Variants in HEBP2 observed in about 807,000 individuals in gnomAD.
HEBP2 encodes heme-binding protein 2.
A neutral mutation model predicts 23.1 loss-of-function variants in HEBP2; 27 were observed. The ratio of observed to expected loss-of-function variants is 1.17; its 90% CI spans 0.86 to 1.61. The LOEUF (loss-of-function observed/expected upper bound fraction) is 1.61. Ranked by LOEUF, HEBP2 falls within the 40% of genes most tolerant of loss-of-function variation. The probability of loss-of-function intolerance (pLI) is 0.00; values close to 1 mark genes in which losing one functional copy is unlikely to be tolerated. For missense variants in HEBP2, 245 were observed against 253.8 expected (o/e 0.97, Z 0.24); for synonymous variants, 99 against 95.1 (o/e 1.04, Z -0.24).
Position 138,419,217 on chromosome 6 carries a change from T to TA in HEBP2, c.*6140dup. On this transcript the variant is annotated 3_prime_UTR_variant, in exon 4 of 4. Transcript: ENST00000607197. Reference sequence around the variant, plus strand: ...GGGCTCCCACTTACCAAGGCCAACTTAGACACTGCTCACTGTGACTATCCA... The same window carrying TA: ...GGGCTCCCACTTACCAAGGCCAACTTAAGACACTGCTCACTGTGACTATCCA... 6.6e-6 allele frequency: 1 copy of TA among 152,300 alleles called. No homozygotes were observed. The highest frequency in any genetic ancestry group is 2.1e-4 in the South Asian group (1 of 4,812). 9.4% of individuals were successfully genotyped at this position (152,300 alleles called of 1,614,324 possible). A position where few individuals can be genotyped will look rare whatever the true frequency, so the allele number is the denominator to read the frequency against.
intron 3 of HEBP2, among the ~76,000 whole-genome samples, chr6:138,408,733 G>GCTC (rs3836980): frequency 0.18 from 27,290 of 151,928 alleles, 4,681 homozygotes; most frequent in African/African-American, 0.45. Context: ...ACCTCCGTTG[G>GCTC]CTCCTCAGCT....
At position 138,413,422 on chromosome 6, in the gene HEBP2, T is replaced by C. The variant is rs1465056592; in HGVS notation, c.*344T>C. On this transcript the variant is annotated 3_prime_UTR_variant, in exon 4 of 4. Coordinates refer to ENST00000607197, the MANE Select transcript of HEBP2 (RefSeq NM_014320.3). ...TCAGTTGGATGATATCCCCTCCAGA[T>C]AGTATCAATAAAATGTTAAAATTAT... 1 of 191,470 alleles carries C rather than the reference T, an allele frequency of 5.2e-6. No individual in the cohort carries two copies. The highest frequency in any genetic ancestry group is 1.1e-5 in the Non-Finnish European group (1 of 92,564). The allele number at this position is 191,470 out of a possible 1,614,324, so 11.9% of individuals were successfully genotyped here.
chr6:138,404,768 C>T (rs1208677606), intron 1 of HEBP2, among the ~76,000 whole-genome samples, 171 bp downstream of exon 1: 15 of 152,360 alleles, frequency 9.8e-5, no homozygotes, highest in Admixed American at 3.9e-4. Flanking sequence ...CTACCCTCCC[C>T]GCTACCCCCA....
chr6:138,408,538 C>T (rs1290749741), intron 3 of HEBP2, among the ~76,000 whole-genome samples: 1 of 152,080 alleles, frequency 6.6e-6, no homozygotes, highest in Non-Finnish European at 1.5e-5. Flanking sequence ...GGTATGACTC[C>T]CACTCTCTCC....
At chr6:138,404,901 A>G (rs1311859552) in intron 1 of HEBP2, among the ~76,000 whole-genome samples, 1 of 152,046 alleles carries the variant, frequency 6.6e-6, no homozygotes, top group African/African-American at 2.4e-5. Context: ...CTTGTCTGAA[A>G]GTGTGAATCG....
rs375885728 is a variant in HEBP2, at chr6:138,416,428, G to A, written c.*3350G>A. ...GACCCATCAGACAATTATGTTCCAC[G>A]GGAAGGCCCAGGGGACCCATCCTTC... On this transcript the variant is annotated 3_prime_UTR_variant, in exon 4 of 4. Coordinates refer to ENST00000607197, the MANE Select transcript of HEBP2 (RefSeq NM_014320.3). The A allele has an allele frequency of 6.6e-6, 1 of 152,348 alleles. No individual in the cohort carries two copies. Among genetic ancestry groups the A allele is most frequent in the Non-Finnish European group, 1.5e-5 (1 of 68,126 alleles). The allele number at this position is 152,348 out of a possible 1,614,324, so 9.4% of individuals were successfully genotyped here. A position where few individuals can be genotyped will look rare whatever the true frequency, so the allele number is the denominator to read the frequency against.
At chr6:138,412,576 C>T (rs1238563622) in intron 3 of HEBP2, among the ~76,000 whole-genome samples, 3 of 152,220 alleles carry the variant, frequency 2.0e-5, no homozygotes, top group African/African-American at 7.2e-5. Context: ...GCTTCAGCCT[C>T]CCAAGTAACT....
Position 138,404,476 on chromosome 6 carries a change from C to A in HEBP2, c.-20C>A. On this transcript the variant is annotated 5_prime_UTR_variant, in exon 1 of 4. Coordinates refer to ENST00000607197, the MANE Select transcript of HEBP2 (RefSeq NM_014320.3). Reference sequence around the variant, plus strand: ...GGCCTCTGCGCGGCTGACCAGGCTCCCAGAGCGTCAGCGCCGCCCATGGCC... The same window carrying A: ...GGCCTCTGCGCGGCTGACCAGGCTCACAGAGCGTCAGCGCCGCCCATGGCC... The A allele has an allele frequency of 7.9e-7, 1 of 1,263,376 alleles. No homozygotes were observed. Among genetic ancestry groups the A allele is most frequent in the Non-Finnish European group, 1.0e-6 (1 of 1,004,736 alleles). 78.3% of individuals were successfully genotyped at this position (1,263,376 alleles called of 1,614,324 possible).
intron 3 of HEBP2, among the ~76,000 whole-genome samples, chr6:138,411,496 A>G (rs540799901): frequency 6.6e-6 from 1 of 152,290 alleles, no homozygotes; most frequent in South Asian, 2.1e-4. Context: ...ATGCCTCACT[A>G]TGAAAACACT....
chr6:138,403,639 C>A, upstream of HEBP2: 1 of 433,996 alleles, frequency 2.3e-6, no homozygotes, highest in Middle Eastern at 3.1e-4. Context: ...GTCGGCCTGG[C>A]CGGCGGAAAG....
At chr6:138,410,479 CTTTT>C (rs59336303) in intron 3 of HEBP2, among the ~76,000 whole-genome samples, 2 of 134,880 alleles carry the variant, frequency 1.5e-5, no homozygotes, top group Admixed American at 7.4e-5. Flanking sequence ...ATGTTTCTTT[CTTTT>C]TTTTTTTTTT....
At chr6:138,405,647 T>C (rs1015269944) in intron 2 of HEBP2, among the ~76,000 whole-genome samples, 1 of 152,202 alleles carries the variant, frequency 6.6e-6, no homozygotes, top group Non-Finnish European at 1.5e-5. Flanking sequence ...TATTTATATT[T>C]TAGCAGGTCT....
Position 138,417,177 on chromosome 6 carries a change from C to T in HEBP2, c.*4099C>T, listed in dbSNP as rs1321342244. 1 of 152,224 alleles carries T rather than the reference C, an allele frequency of 6.6e-6. No individual in the cohort carries two copies. The highest frequency in any genetic ancestry group is 1.5e-5 in the Non-Finnish European group (1 of 68,046). The allele number at this position is 152,224 out of a possible 1,614,324, so 9.4% of individuals were successfully genotyped here. On this transcript the variant is annotated 3_prime_UTR_variant, in exon 4 of 4. Transcript: ENST00000607197. ...GTAGTTCTAATCAAAGTTTGGCTTA[C>T]AGCAGATCTCCTGGGCCTGCAGGTT...
At chr6:138,412,564 C>T (rs1376845861) in intron 3 of HEBP2, among the ~76,000 whole-genome samples, 1 of 152,220 alleles carries the variant, frequency 6.6e-6, no homozygotes, top group Non-Finnish European at 1.5e-5. Flanking sequence ...AGCGATTCTC[C>T]TGCTTCAGCC....
At position 138,421,606 on chromosome 6, in the gene HEBP2, C is replaced by A. The variant is rs1051692514; in HGVS notation, c.*8528C>A. 1 of 152,152 alleles carries A rather than the reference C, an allele frequency of 6.6e-6. No individual in the cohort carries two copies. The highest frequency in any genetic ancestry group is 2.4e-5 in the African/African-American group (1 of 41,430). 9.4% of individuals were successfully genotyped at this position (152,152 alleles called of 1,614,324 possible). On this transcript the variant is annotated 3_prime_UTR_variant, in exon 4 of 4. Coordinates refer to ENST00000607197, the MANE Select transcript of HEBP2 (RefSeq NM_014320.3). Reference sequence around the variant, plus strand: ...GAGGGTATGAGAGCCATCAGATCTACCCCTGTGGAGCTTTTTAAGATGCGG... The same window carrying A: ...GAGGGTATGAGAGCCATCAGATCTAACCCTGTGGAGCTTTTTAAGATGCGG...
chr6:138,414,159 G>A lies in HEBP2; in HGVS notation c.*1081G>A, dbSNP rs1774802182. 6.6e-6 allele frequency: 1 copy of A among 152,436 alleles called. No individual in the cohort carries two copies. The highest frequency in any genetic ancestry group is 1.5e-5 in the Non-Finnish European group (1 of 68,236). 9.4% of individuals were successfully genotyped at this position (152,436 alleles called of 1,614,324 possible). A position where few individuals can be genotyped will look rare whatever the true frequency, so the allele number is the denominator to read the frequency against. ...AGGTGAGGGGAGCATCTTGGGCAGAGGTGACAGTGTTAAAGGGAGAGGCCA... is the reference window on the plus strand; with the variant it reads ...AGGTGAGGGGAGCATCTTGGGCAGAAGTGACAGTGTTAAAGGGAGAGGCCA... On this transcript the variant is annotated 3_prime_UTR_variant, in exon 4 of 4. Coordinates refer to ENST00000607197, the MANE Select transcript of HEBP2 (RefSeq NM_014320.3).
At position 138,421,515 on chromosome 6, in the gene HEBP2, A is replaced by G. The variant is rs933597085; in HGVS notation, c.*8437A>G. On this transcript the variant is annotated 3_prime_UTR_variant, in exon 4 of 4. Coordinates refer to ENST00000607197, the MANE Select transcript of HEBP2 (RefSeq NM_014320.3). The stretch of plus-strand genomic sequence containing the variant: ...CAGTAATTTGTTTCTCTCCCCACTG[A>G]TAGTAAAAATAAAGTGGAAATAATT... 1.3e-5 allele frequency: 2 copies of G among 152,162 alleles called. No homozygotes were observed. Among genetic ancestry groups the G allele is most frequent in the Non-Finnish European group, 2.9e-5 (2 of 68,042 alleles). The allele number at this position is 152,162 out of a possible 1,614,324, so 9.4% of individuals were successfully genotyped here. A position where few individuals can be genotyped will look rare whatever the true frequency, so the allele number is the denominator to read the frequency against.
intron 3 of HEBP2, 151 bp downstream of exon 3, chr6:138,406,302 GTA>G (rs1158642959): frequency 1.3e-5 from 9 of 699,200 alleles, no homozygotes; most frequent in Non-Finnish European, 2.2e-5. Context: ...TGGCTTTGTT[GTA>G]TATGTTACTG....
At chr6:138,406,886 C>T (rs1016882255) in intron 3 of HEBP2, among the ~76,000 whole-genome samples, 1 of 151,870 alleles carries the variant, frequency 6.6e-6, no homozygotes, top group Non-Finnish European at 1.5e-5. Flanking sequence ...TATATATTAG[C>T]CAGGCCTGGT....
Sources: gnomAD v4.1 joint callset for allele counts (sites outside exome capture counted in the v4.1 genomes callset) on GRCh38, gnomAD v4.1.1 for gene constraint, MANE v1.5 for transcripts, NCBI Gene and HGNC (gene_info 2026-07-23, HGNC 2026-07-21) for gene names.